The following RBM20 variants were observed in gnomAD, a reference collection of about 807,000 sequenced individuals.
RBM20 encodes RNA binding motif protein 20.
RBM20 carries 51 observed loss-of-function variants against 110.1 expected under a neutral mutation model. That is an observed-to-expected ratio of 0.46 (90% confidence interval 0.37 to 0.59). The LOEUF (loss-of-function observed/expected upper bound fraction) is 0.59, where lower values mean the gene tolerates loss of function less well. Ranked by LOEUF, RBM20 falls within the 20% of genes least tolerant of loss-of-function variation. The probability of loss-of-function intolerance (pLI) is 0.00; values close to 1 mark genes in which losing one functional copy is unlikely to be tolerated. For missense variants in RBM20, 1,512 were observed against 1,574.9 expected (o/e 0.96, Z 0.68); for synonymous variants, 589 against 618.2 (o/e 0.95, Z 0.70).
At chr10:110,711,673 T>C (rs1276128835) in intron 1 of RBM20, among the ~76,000 whole-genome samples, 1 of 152,246 alleles carries the variant, frequency 6.6e-6, no homozygotes, top group Non-Finnish European at 1.5e-5. Context: ...TTGTACTCTG[T>C]GAACTGAGAC....
intron 9 of RBM20, among the ~76,000 whole-genome samples, chr10:110,815,297 G>A (rs988452484): frequency 5.3e-5 from 8 of 152,206 alleles, no homozygotes; most frequent in Non-Finnish European, 7.3e-5. Context: ...AATGCCCAGC[G>A]TTCCAGTGAA....
chr10:110,768,614 A>T (rs2135019010), intron 1 of RBM20, among the ~76,000 whole-genome samples: 1 of 152,342 alleles, frequency 6.6e-6, no homozygotes, highest in East Asian at 1.9e-4. Flanking sequence ...CCACATGCTT[A>T]AGACAGTCAT....
At chr10:110,745,723 C>T (rs1843772100) in intron 1 of RBM20, among the ~76,000 whole-genome samples, 1 of 152,116 alleles carries the variant, frequency 6.6e-6, no homozygotes, top group African/African-American at 2.4e-5. Flanking sequence ...TCACTTTCAA[C>T]ATGCTTGGTG....
At chr10:110,671,847 G>T (rs1390808349) in intron 1 of RBM20, among the ~76,000 whole-genome samples, 2 of 152,038 alleles carry the variant, frequency 1.3e-5, no homozygotes, top group Non-Finnish European at 2.9e-5. Flanking sequence ...TTAATTTACA[G>T]AAGAGATCCA....
At chr10:110,811,834 A>G (rs1430801127) in intron 8 of RBM20, among the ~76,000 whole-genome samples, 2 of 152,154 alleles carry the variant, frequency 1.3e-5, no homozygotes, top group East Asian at 3.9e-4. Context: ...TCTTGTAGCT[A>G]AGAGGCCGGC....
Position 110,748,301 on chromosome 10 carries a change from T to C in RBM20, c.192-32500T>C, listed in dbSNP as rs79426429. On this transcript the variant is annotated intron_variant, in intron 1 of 13. Coordinates refer to ENST00000369519, the MANE Select transcript of RBM20 (RefSeq NM_001134363.3). Reference sequence around the variant, plus strand: ...GTGAAACATATAAATAAGCATTTGGTATGCTTTTCAGTTTCCACAACAGTA... The same window carrying C: ...GTGAAACATATAAATAAGCATTTGGCATGCTTTTCAGTTTCCACAACAGTA... Among the ~76,000 whole-genome samples the C allele has an allele frequency of 7.2e-5, 11 of 152,340 alleles. No homozygotes were observed. In the East Asian group the frequency reaches 2.1e-3, roughly 29 times the overall value.
intron 1 of RBM20, among the ~76,000 whole-genome samples, chr10:110,700,329 C>CTATTTAGAAATTT (rs1305643821): frequency 6.6e-6 from 1 of 152,174 alleles, no homozygotes; most frequent in East Asian, 1.9e-4. Flanking sequence ...TAATAGGATA[C>CTATTTAGAAATTT]AGAGACCTAG....
At chr10:110,721,373 G>A in intron 1 of RBM20, among the ~76,000 whole-genome samples, 1 of 152,324 alleles carries the variant, frequency 6.6e-6, no homozygotes, top group East Asian at 1.9e-4. Context: ...GGCCCAGCCT[G>A]CTTTTAGAAC....
chr10:110,836,029 C>T lies in RBM20; in HGVS notation c.*51C>T. 1 of 765,248 alleles carries T rather than the reference C, an allele frequency of 1.3e-6. No homozygotes were observed. The highest frequency in any genetic ancestry group is 2.2e-6 in the Non-Finnish European group (1 of 460,902). 47.4% of individuals were successfully genotyped at this position (765,248 alleles called of 1,614,324 possible). A position where few individuals can be genotyped will look rare whatever the true frequency, so the allele number is the denominator to read the frequency against. Reference sequence around the variant, plus strand: ...GCTGCTGCAAGGTTGGAAAGGAGAGCTTGCTGAAGTGGGGCCTTCCTGATT... The same window carrying T: ...GCTGCTGCAAGGTTGGAAAGGAGAGTTTGCTGAAGTGGGGCCTTCCTGATT... On this transcript the variant is annotated 3_prime_UTR_variant, in exon 14 of 14. Coordinates refer to ENST00000369519, the MANE Select transcript of RBM20 (RefSeq NM_001134363.3).
At chr10:110,785,746 A>T (rs549287127) in intron 5 of RBM20, among the ~76,000 whole-genome samples, 1 of 152,154 alleles carries the variant, frequency 6.6e-6, no homozygotes, top group African/African-American at 2.4e-5. Context: ...CTTAAGAAGC[A>T]GACATAAATC....
At chr10:110,792,334 T>C (rs1844495210) in intron 5 of RBM20, among the ~76,000 whole-genome samples, 1 of 152,208 alleles carries the variant, frequency 6.6e-6, no homozygotes, top group African/African-American at 2.4e-5. Context: ...AACAATATTT[T>C]TTCCCAATGC....
intron 5 of RBM20, among the ~76,000 whole-genome samples, chr10:110,785,797 G>T (rs949639273): frequency 6.6e-6 from 1 of 151,408 alleles, no homozygotes; most frequent in Non-Finnish European, 1.5e-5. Context: ...AGCATTCAGC[G>T]CTGGCTTAGA....
At position 110,692,892 on chromosome 10, in the gene RBM20, T is replaced by C. The variant is rs114240076; in HGVS notation, c.191+48247T>C. On this transcript the variant is annotated intron_variant, in intron 1 of 13. Coordinates refer to ENST00000369519, the MANE Select transcript of RBM20 (RefSeq NM_001134363.3). ...TTACCATTGAGTATGATGTTAGCTG[T>C]AGGTTTGTTGTATCTAACCTTTATC... 4.1e-3 allele frequency among the ~76,000 whole-genome samples: 567 copies of C among 138,658 alleles called. 4 individuals carry two copies. The highest frequency in any genetic ancestry group is 0.014 in the African/African-American group (530 of 39,248). 91.0% of individuals were successfully genotyped at this position (138,658 alleles called of 152,430 possible).
At chr10:110,826,767 G>T (rs573910044) in intron 12 of RBM20, among the ~76,000 whole-genome samples, 1 of 151,944 alleles carries the variant, frequency 6.6e-6, no homozygotes, top group African/African-American at 2.4e-5. Flanking sequence ...TCTTTTTTTA[G>T]TAGAGATAAG....
At chr10:110,729,902 G>A (rs919075523) in intron 1 of RBM20, among the ~76,000 whole-genome samples, 10 of 152,134 alleles carry the variant, frequency 6.6e-5, no homozygotes, top group Non-Finnish European at 4.4e-5. Flanking sequence ...TGCGACCTAC[G>A]CCTCCCAGGT....
intron 1 of RBM20, among the ~76,000 whole-genome samples, chr10:110,767,057 C>A (rs1308527933): frequency 7.6e-6 from 1 of 132,434 alleles, no homozygotes; most frequent in Non-Finnish European, 1.6e-5. Context: ...ACCTCCCGGA[C>A]GGGGCGGCTG....
chr10:110,770,737 A>G (rs185322425), intron 1 of RBM20, among the ~76,000 whole-genome samples: 1 of 152,372 alleles, frequency 6.6e-6, no homozygotes, highest in African/African-American at 2.4e-5. Context: ...TGTACATTTA[A>G]TAGAAAAAAA....
intron 10 of RBM20, among the ~76,000 whole-genome samples, chr10:110,820,769 T>C (rs1415082737): frequency 6.6e-6 from 1 of 152,120 alleles, no homozygotes; most frequent in Admixed American, 6.5e-5. Context: ...TAAATCTGTC[T>C]GTGGAGTTGG....
At chr10:110,703,192 C>T (rs1367814165) in intron 1 of RBM20, among the ~76,000 whole-genome samples, 1 of 151,276 alleles carries the variant, frequency 6.6e-6, no homozygotes, top group Non-Finnish European at 1.5e-5. Flanking sequence ...GCCTGGTCAA[C>T]ATGGTGAAAC....
Sources: allele counts gnomAD v4.1 joint callset (sites outside exome capture counted in the v4.1 genomes callset), GRCh38; gene constraint gnomAD v4.1.1; transcripts MANE v1.5; gene names NCBI Gene and HGNC (gene_info 2026-07-23, HGNC 2026-07-21).